Variants in NUGGC observed in about 807,000 individuals in gnomAD.
NUGGC encodes the protein nuclear GTPase, germinal center associated.
A neutral mutation model predicts 92.6 loss-of-function variants in NUGGC; 58 were observed. That is an observed-to-expected ratio of 0.63 (90% CI 0.51 to 0.78). The LOEUF is 0.78. NUGGC is among the 30% of genes least tolerant of loss of function. The pLI, the probability that NUGGC is intolerant of heterozygous loss-of-function variation, is 0.00. For missense variants in NUGGC, 925 were observed against 964.6 expected, an observed-to-expected ratio of 0.96 and a Z score of 0.54; for synonymous variants, 376 against 366.4, an observed-to-expected ratio of 1.03 and a Z score of -0.30.
chr8:28,027,671 T>C (rs1809302509), intron 17 of NUGGC, among the ~76,000 whole-genome samples: 1 of 152,182 alleles, frequency 6.6e-6, no homozygotes. Context: ...TCTCCTACGC[T>C]TTTTCTTTAA....
chr8:28,077,805 A>T (rs955434022), intron 1 of NUGGC, among the ~76,000 whole-genome samples: 1 of 152,202 alleles, frequency 6.6e-6, no homozygotes, highest in Non-Finnish European at 1.5e-5. Context: ...AGCCGGATAA[A>T]GTACAAAAGA....
rs201451717 is a variant in NUGGC at position 28,045,632 on chromosome 8, C to G, written c.1341G>C (p.Arg447Ser). Residue 447 changes from arginine (R) to serine (S), a missense_variant, in exon 12 of 19, where the codon AGG becomes AGC. Coordinates refer to ENST00000413272, the MANE Select transcript of NUGGC (RefSeq NM_001010906.2). Reference protein sequence around the residue: ...TEIPKLREYIRKSLLDKKKRT... With the variant: ...TEIPKLREYISKSLLDKKKRT... The stretch of plus-strand genomic sequence containing the variant: ...TCTTCTTCTTGTCCAAGAGGCTCTT[C>G]CTGATGTATTCTCTTAACTTAGGGA... The G allele has an allele frequency of 2.5e-6, 4 of 1,612,772 alleles. No homozygotes were observed. The African/African-American group carries it at 4.0e-5, about 16-fold the overall frequency.
intron 1 of NUGGC, among the ~76,000 whole-genome samples, chr8:28,080,662 A>G (rs566981681): frequency 1.3e-4 from 20 of 152,322 alleles, no homozygotes; most frequent in Non-Finnish European, 2.6e-4. Flanking sequence ...ATCTATCTAG[A>G]TCTAGATATA....
Position 28,074,417 on chromosome 8 carries a change from T to C in NUGGC, c.-7A>G, listed in dbSNP as rs751031651. 8 of 1,613,722 alleles carry C rather than the reference T, an allele frequency of 5.0e-6. No individual in the cohort carries two copies. The highest frequency in any genetic ancestry group is 6.8e-6 in the Non-Finnish European group (8 of 1,179,748). On this transcript the variant is annotated 5_prime_UTR_variant, in exon 2 of 19. Coordinates refer to ENST00000413272, the MANE Select transcript of NUGGC (RefSeq NM_001010906.2). ...CATCCTTCGTTTCTGCCATTCCTTGTTACGTGAACTCCTGCTCTTCTCAGT... is the reference window on the plus strand; with the variant it reads ...CATCCTTCGTTTCTGCCATTCCTTGCTACGTGAACTCCTGCTCTTCTCAGT...
rs1487832711 is a variant in NUGGC, at chr8:28,072,621, A to T, written c.43+1747T>A. Among the ~76,000 whole-genome samples the T allele has an allele frequency of 4.6e-5, 7 of 152,324 alleles. No individual in the cohort carries two copies. The East Asian group carries it at 1.3e-3, about 29-fold the overall frequency. The stretch of plus-strand genomic sequence containing the variant: ...ATAAGAGTTTGGAAGCTTATTTCTC[A>T]ACTAAAGCAAATGCTAGGAAGTCCA... On this transcript the variant is annotated intron_variant, in intron 2 of 18. Coordinates refer to ENST00000413272, the MANE Select transcript of NUGGC (RefSeq NM_001010906.2).
chr8:28,073,491 C>T (rs898800422), intron 2 of NUGGC, among the ~76,000 whole-genome samples: 2 of 152,296 alleles, frequency 1.3e-5, no homozygotes, highest in East Asian at 1.9e-4. Context: ...TCCATCCCCT[C>T]GGAGTGAGGA....
intron 1 of NUGGC, among the ~76,000 whole-genome samples, chr8:28,082,537 T>C (rs760354194): frequency 2.0e-5 from 3 of 152,200 alleles, no homozygotes; most frequent in Non-Finnish European, 4.4e-5. Context: ...GATCACACTG[T>C]TCTGTAAAAT....
intron 1 of NUGGC, among the ~76,000 whole-genome samples, chr8:28,080,989 A>G (rs1486058601): frequency 6.6e-6 from 1 of 151,314 alleles, no homozygotes; most frequent in Non-Finnish European, 1.5e-5. Flanking sequence ...TTCTCCACAT[A>G]TAGGATAGAA....
chr8:28,047,975 C>T (rs979926824), intron 10 of NUGGC, among the ~76,000 whole-genome samples: 1 of 152,220 alleles, frequency 6.6e-6, no homozygotes, highest in East Asian at 1.9e-4. Flanking sequence ...TGATGTGCTG[C>T]AGCCAGCTCG....
chr8:28,046,486 C>A (rs1809839193), intron 11 of NUGGC, among the ~76,000 whole-genome samples: 1 of 152,130 alleles, frequency 6.6e-6, no homozygotes, highest in Admixed American at 6.5e-5. Flanking sequence ...TGGTCAGCAA[C>A]AACTAAACCT....
intron 13 of NUGGC, among the ~76,000 whole-genome samples, chr8:28,035,577 C>G (rs983311329): frequency 1.3e-5 from 2 of 152,138 alleles, no homozygotes; most frequent in African/African-American, 4.8e-5. Flanking sequence ...CAAAGGCGTC[C>G]CCCTGAGAAA....
In NUGGC at chr8:28,079,928, GT is replaced by G. The variant is rs887208145; in HGVS notation, c.-47+3846del. ...TTTGTTTTTGTTTTTGTTGTTCTTTGTTTTTTTGTTTGTTTGTTTGTTTGTT... is the reference window on the plus strand; with the variant it reads ...TTTGTTTTTGTTTTTGTTGTTCTTTGTTTTTTGTTTGTTTGTTTGTTTGTT... On this transcript the variant is annotated intron_variant, in intron 1 of 18. Transcript: ENST00000413272. Among the ~76,000 whole-genome samples, 8 of 106,756 alleles carry G rather than the reference GT, an allele frequency of 7.5e-5. No individual in the cohort carries two copies. The East Asian group carries it at 2.0e-3, about 27-fold the overall frequency. 70.0% of individuals were successfully genotyped at this position (106,756 alleles called of 152,430 possible).
chr8:28,060,724 A>C (rs1810283213), intron 7 of NUGGC, 123 bp from the exon 8 acceptor site: 2 of 726,110 alleles, frequency 2.8e-6, no homozygotes, highest in South Asian at 3.9e-5. Context: ...TCCCCACCGC[A>C]CTCTGTGCAC....
chr8:28,038,373 TA>T (rs1185169209), intron 13 of NUGGC, among the ~76,000 whole-genome samples: 2 of 152,224 alleles, frequency 1.3e-5, no homozygotes, highest in African/African-American at 4.8e-5. Context: ...GTTGATTTGT[TA>T]TACACTCTCT....
rs748481614 is a variant in NUGGC at position 28,060,541 on chromosome 8, G to A, written c.982C>T (p.Gln328Ter). The part of the protein sequence containing the change: ...ISDIERVSGG[Q>*]AHEDLLNESI... ...TCATTCAGAAGGTCTTCGTGGGCTT[G>A]CCCCCCAGAAACTCGCTCTATGTCG... The change falls in exon 8 of 19, where the codon CAA becomes TAA. Residue 328 changes from glutamine (Q) to a stop codon, truncating the protein, a stop_gained. Coordinates refer to ENST00000413272, the MANE Select transcript of NUGGC (RefSeq NM_001010906.2). LOFTEE classifies it high-confidence loss of function. 31 of 1,613,144 alleles carry A rather than the reference G, an allele frequency of 1.9e-5. No individual in the cohort carries two copies. The highest frequency in any genetic ancestry group is 7.7e-5 in the South Asian group (7 of 90,956).
At chr8:28,029,805 A>T (rs909908988) in intron 16 of NUGGC, among the ~76,000 whole-genome samples, 1 of 152,124 alleles carries the variant, frequency 6.6e-6, no homozygotes, top group Non-Finnish European at 1.5e-5. Context: ...CAAGCCAAGC[A>T]AACAAACAAA....
chr8:28,029,951 G>T (rs73224740), intron 16 of NUGGC, among the ~76,000 whole-genome samples: 12,614 of 152,138 alleles, frequency 0.083, 560 homozygotes, highest in Middle Eastern at 0.17. Flanking sequence ...AAACGACAGA[G>T]CCACCAAAAC....
At position 28,070,263 on chromosome 8, in the gene NUGGC, G is replaced by A; in HGVS notation, c.137C>T (p.Ala46Val). Residue 46 changes from alanine to valine, a missense_variant, in exon 3 of 19, where the codon GCT (alanine) becomes GTT (valine). Physicochemically the swap from Ala to Val is moderately conservative, Grantham distance 64 (BLOSUM62 0). Transcript: ENST00000413272. ...TCCAAGACACTCACATTCCTTAAGA[G>A]CACTCTGCTCCATGGAGGGAAATGC... ...FRAFPSMEQS[A>V]LKEYEKLESR... 1.3e-6 allele frequency: 2 copies of A among 1,549,954 alleles called. No individual in the cohort carries two copies. The highest frequency in any genetic ancestry group is 1.7e-6 in the Non-Finnish European group (2 of 1,143,818).
rs758451567 is a variant in NUGGC, at chr8:28,033,718, T to C, written c.1612-21A>G. 8 of 1,610,778 alleles carry C rather than the reference T, an allele frequency of 5.0e-6. No individual in the cohort carries two copies. The East Asian group carries it at 6.7e-5, about 13-fold the overall frequency. ...CTCCTCTAGACAATCAACAATAAATTAGCAGAGTTAGGCATTAACTGGAAG... is the reference window on the plus strand; with the variant it reads ...CTCCTCTAGACAATCAACAATAAATCAGCAGAGTTAGGCATTAACTGGAAG... On this transcript the variant is annotated intron_variant, in intron 13 of 18. Coordinates refer to ENST00000413272, the MANE Select transcript of NUGGC (RefSeq NM_001010906.2).
Sources: allele counts gnomAD v4.1 joint callset (sites outside exome capture counted in the v4.1 genomes callset), GRCh38; gene constraint gnomAD v4.1.1; transcripts MANE v1.5; gene names NCBI Gene and HGNC (gene_info 2026-07-23, HGNC 2026-07-21).